Variants in ERC1 observed in about 807,000 individuals in gnomAD.
The protein encoded by ERC1 is RAB6 interacting protein 2.
ERC1 carries 56 observed loss-of-function variants against 132.0 expected under a neutral mutation model. The ratio of observed to expected loss-of-function variants is 0.42; its 90% confidence interval spans 0.34 to 0.53. The LOEUF is 0.53. Ranked by LOEUF, ERC1 falls within the 20% of genes least tolerant of loss-of-function variation. The pLI is 0.03. For missense variants in ERC1, 1,202 were observed against 1,349.9 expected (o/e 0.89, Z 1.72); for synonymous variants, 478 against 476.1 (o/e 1.00, Z -0.05).
At chr12:1,037,259 A>G (rs1036611477) in intron 2 of ERC1, among the ~76,000 whole-genome samples, 1 of 152,180 alleles carries the variant, frequency 6.6e-6, no homozygotes, top group African/African-American at 2.4e-5. Context: ...CTCATAGTGC[A>G]GTGTAGTGTG....
At chr12:1,038,096 G>A (rs1402576837) in intron 2 of ERC1, among the ~76,000 whole-genome samples, 2 of 151,792 alleles carry the variant, frequency 1.3e-5, no homozygotes, top group African/African-American at 4.8e-5. Context: ...TGAAAGAACA[G>A]TTTCACAAAG....
chr12:1,419,468 A>T (rs191650183), intron 17 of ERC1, among the ~76,000 whole-genome samples: 3 of 147,274 alleles, frequency 2.0e-5, no homozygotes, highest in African/African-American at 7.6e-5. Context: ...TAAAGCTGGA[A>T]CTCACATCCT....
chr12:1,138,116 T>TA (rs1491252464), intron 7 of ERC1, among the ~76,000 whole-genome samples: 21,085 of 119,374 alleles, frequency 0.18, 2,262 homozygotes, highest in Non-Finnish European at 0.21. Context: ...TATAATTATA[T>TA]TTAATACATA....
intron 11 of ERC1, among the ~76,000 whole-genome samples, chr12:1,184,137 CAAAAAAAAAAA>C (rs75254476): frequency 0.18 from 15,187 of 83,948 alleles, 1,081 homozygotes; most frequent in Middle Eastern, 0.29. Flanking sequence ...CTCCATCTCA[CAAAAAAAAAAA>C]AAAAGAAAAA....
chr12:1,186,609 C>A (rs560213519), intron 11 of ERC1, among the ~76,000 whole-genome samples: 1 of 152,102 alleles, frequency 6.6e-6, no homozygotes, highest in East Asian at 1.9e-4. Context: ...TTTTCACATT[C>A]TAAAAGCAAG....
chr12:1,232,960 A>G (rs1328703723), intron 12 of ERC1, among the ~76,000 whole-genome samples: 2 of 152,200 alleles, frequency 1.3e-5, no homozygotes, highest in Admixed American at 6.5e-5. Flanking sequence ...TTCTAGATAG[A>G]ATACCCATAT....
intron 17 of ERC1, among the ~76,000 whole-genome samples, chr12:1,419,017 G>A (rs2154398895): frequency 6.6e-6 from 1 of 151,954 alleles, no homozygotes; most frequent in Middle Eastern, 3.4e-3. Flanking sequence ...ACCGGCTGAG[G>A]TCTTCGTTTC....
chr12:1,442,362 G>A (rs2093180138), intron 17 of ERC1, among the ~76,000 whole-genome samples: 2 of 152,222 alleles, frequency 1.3e-5, no homozygotes, highest in Non-Finnish European at 2.9e-5. Flanking sequence ...GTGACTGGCT[G>A]TGTTGACATG....
chr12:1,173,457 C>T (rs971649232), intron 8 of ERC1, among the ~76,000 whole-genome samples: 6 of 152,038 alleles, frequency 3.9e-5, no homozygotes, highest in Non-Finnish European at 8.8e-5. Context: ...CTGGATATTC[C>T]GAGCATATTT....
chr12:1,018,477 A>C (rs1965866091), intron 1 of ERC1, among the ~76,000 whole-genome samples: 1 of 152,246 alleles, frequency 6.6e-6, no homozygotes, highest in African/African-American at 2.4e-5. Flanking sequence ...GGCCTCCCAA[A>C]GTGCTGGGGT....
chr12:1,141,869 CAG>C (rs1369187890), intron 8 of ERC1, 82 bp downstream of exon 8: 8 of 1,132,732 alleles, frequency 7.1e-6, no homozygotes, highest in Non-Finnish European at 9.6e-6. Context: ...TAAATGCTGT[CAG>C]AGTTTCTTGC....
At position 1,154,261 on chromosome 12, in the gene ERC1, G is replaced by GTA. The variant is rs1566098135; in HGVS notation, c.1737+12481_1737+12482dup. 3.1e-4 allele frequency among the ~76,000 whole-genome samples: 28 copies of GTA among 90,710 alleles called. 1 individual carries two copies. Among genetic ancestry groups the GTA allele is most frequent in the African/African-American group, 1.0e-3 (23 of 22,872 alleles). The allele number at this position is 90,710 out of a possible 152,430, so 59.5% of individuals were successfully genotyped here. ...TATATGTATATGTATATGTATATGT[G>GTA]TATATATACACATATACATGTATAT... On this transcript the variant is annotated intron_variant, in intron 8 of 18. Transcript: ENST00000360905.
intron 8 of ERC1, among the ~76,000 whole-genome samples, chr12:1,145,326 C>T (rs551624533): frequency 1.1e-4 from 16 of 149,896 alleles, no homozygotes; most frequent in African/African-American, 2.7e-4. Context: ...CCTTGTTGAG[C>T]TTTAGTATGT....
chr12:1,114,644 G>A (rs556601288), intron 6 of ERC1, among the ~76,000 whole-genome samples: 43 of 152,176 alleles, frequency 2.8e-4, no homozygotes, highest in African/African-American at 8.7e-4. Context: ...AAGACTCCAC[G>A]TTGTTACAGT....
chr12:1,081,805 G>A, intron 2 of ERC1, among the ~76,000 whole-genome samples: 1 of 152,084 alleles, frequency 6.6e-6, no homozygotes, highest in East Asian at 1.9e-4. Context: ...CAGCAGTAAT[G>A]CATTGTACAC....
intron 8 of ERC1, among the ~76,000 whole-genome samples, chr12:1,144,844 C>G (rs1164093158): frequency 6.6e-6 from 1 of 151,922 alleles, no homozygotes; most frequent in East Asian, 1.9e-4. Context: ...GGTAGGTCCA[C>G]TTTTAGTTAA....
chr12:1,436,159 C>CGG (rs2092943456), intron 17 of ERC1, among the ~76,000 whole-genome samples: 1 of 141,262 alleles, frequency 7.1e-6, no homozygotes, highest in African/African-American at 3.2e-5. Context: ...CAGACGGACA[C>CGG]ACACACACAC....
intron 12 of ERC1, among the ~76,000 whole-genome samples, chr12:1,203,797 T>C (rs1957125912): frequency 6.6e-6 from 1 of 152,242 alleles, no homozygotes; most frequent in Non-Finnish European, 1.5e-5. Flanking sequence ...GCAGGAATAT[T>C]AAGCATGACT....
At chr12:1,295,398 G>A (rs1420369708) in intron 15 of ERC1, among the ~76,000 whole-genome samples, 3 of 152,146 alleles carry the variant, frequency 2.0e-5, no homozygotes, top group Admixed American at 6.5e-5. Context: ...GAAGTTGGAA[G>A]CCAGGTATCA....
Sources: allele counts gnomAD v4.1 joint callset (sites outside exome capture counted in the v4.1 genomes callset), GRCh38; gene constraint gnomAD v4.1.1; transcripts MANE v1.5; gene names NCBI Gene and HGNC (gene_info 2026-07-23, HGNC 2026-07-21).